The following TRIM68 variants were observed in gnomAD, a reference collection of about 807,000 sequenced individuals.
TRIM68 encodes E3 ubiquitin-protein ligase TRIM68.
TRIM68 carries 36 observed loss-of-function variants against 41.9 expected under a neutral mutation model. The observed-to-expected ratio is 0.86, with a 90% confidence interval of 0.66 to 1.14. The LOEUF (loss-of-function observed/expected upper bound fraction) is 1.14. TRIM68 is among the 50% of genes most tolerant of loss of function. The pLI, the probability that TRIM68 is intolerant of heterozygous loss-of-function variation, is 0.00. For synonymous variants in TRIM68, 225 were observed against 224.6 expected (o/e 1.00, Z -0.02); for missense variants, 632 against 605.1 (o/e 1.04, Z -0.47).
rs150218235 is a variant in TRIM68, at chr11:4,605,387, G to A, written c.118C>T (p.Leu40Phe). 653 of 1,614,226 alleles carry A rather than the reference G, an allele frequency of 4.0e-4. No homozygotes were observed. The highest frequency in any genetic ancestry group is 1.2e-3 in the South Asian group (111 of 91,088). ...CCTGGGATCTCCCAGAGTCCAGAGA[G>A]ACAGCTGTGGCAGAAGCTGTGGCCA... ...DCGHSFCHSCLSGLWEIPGES... is the reference protein window; with the variant it reads ...DCGHSFCHSCFSGLWEIPGES... Residue 40 changes from leucine (L) to phenylalanine (F), a missense_variant, in exon 2 of 7, where the codon CTC becomes TTC. Coordinates refer to ENST00000300747, the MANE Select transcript of TRIM68 (RefSeq NM_018073.8).
Position 4,600,838 on chromosome 11 carries a change from G to A in TRIM68, c.908-12C>T. The A allele has an allele frequency of 6.2e-7, 1 of 1,606,508 alleles. No homozygotes were observed. The highest frequency in any genetic ancestry group is 8.5e-7 in the Non-Finnish European group (1 of 1,175,552). On this transcript the variant is annotated splice_polypyrimidine_tract_variant and intron_variant, in intron 6 of 6. Coordinates refer to ENST00000300747, the MANE Select transcript of TRIM68 (RefSeq NM_018073.8). Reference sequence around the variant, plus strand: ...CAAGCGCACATCAGCTAGAAGAAAAGGTCCTGGTTGGTAACAGTGATATAG... The same window carrying A: ...CAAGCGCACATCAGCTAGAAGAAAAAGTCCTGGTTGGTAACAGTGATATAG...
chr11:4,606,596 C>T (rs1194768951), intron 1 of TRIM68, among the ~76,000 whole-genome samples: 1 of 152,174 alleles, frequency 6.6e-6, no homozygotes, highest in African/African-American at 2.4e-5. Context: ...AAATTGAGAG[C>T]ATACATTAAT....
At chr11:4,603,420 G>T (rs1178598818) in intron 2 of TRIM68, 80 bp from the exon 3 acceptor site, 1 of 1,356,744 alleles carries the variant, frequency 7.4e-7, no homozygotes, top group East Asian at 2.3e-5. Flanking sequence ...GAGAACCAGA[G>T]TCCTTCAGGC....
chr11:4,603,441 AG>A, intron 2 of TRIM68, 101 bp from the exon 3 acceptor site: 1 of 1,044,294 alleles, frequency 9.6e-7, no homozygotes, highest in Admixed American at 2.0e-5. Flanking sequence ...AACCGGCCAC[AG>A]TGAAGGCTGT....
intron 6 of TRIM68, 41 bp downstream of exon 6, chr11:4,600,986 C>T (rs202218900): frequency 3.1e-6 from 5 of 1,598,764 alleles, no homozygotes; most frequent in Admixed American, 3.3e-5. Flanking sequence ...TGGGAGGGGT[C>T]CCTCCCACTG....
intron 2 of TRIM68, among the ~76,000 whole-genome samples, chr11:4,603,934 G>T (rs529522836): frequency 1.1e-4 from 17 of 152,200 alleles, no homozygotes; most frequent in African/African-American, 3.9e-4. Context: ...CAACTATTTT[G>T]TTAAAATATA....
intron 2 of TRIM68, among the ~76,000 whole-genome samples, chr11:4,603,902 T>A (rs1204593740): frequency 6.6e-6 from 1 of 152,248 alleles, no homozygotes; most frequent in Non-Finnish European, 1.5e-5. Context: ...CACCATTTAA[T>A]TCTGCTATTT....
chr11:4,602,126 G>C lies in TRIM68; in HGVS notation c.783+26C>G, dbSNP rs1215331791. ...CAGTCTATCTTCAGCTGTCACTCAG[G>C]GTTACCAGGAAAACCTACTACTCAC... On this transcript the variant is annotated intron_variant, in intron 4 of 6. Coordinates refer to ENST00000300747, the MANE Select transcript of TRIM68 (RefSeq NM_018073.8). 2.5e-6 allele frequency: 4 copies of C among 1,613,838 alleles called. No homozygotes were observed. The Admixed American group carries it at 6.7e-5, about 27-fold the overall frequency.
chr11:4,602,607 CA>C (rs1335710955), intron 3 of TRIM68, among the ~76,000 whole-genome samples, 195 bp from the exon 4 acceptor site: 1 of 152,210 alleles, frequency 6.6e-6, no homozygotes, highest in Non-Finnish European at 1.5e-5. Context: ...TCTCTATTGT[CA>C]CTCTTATTGA....
At position 4,607,112 on chromosome 11, in the gene TRIM68, C is replaced by T. The variant is rs182138644; in HGVS notation, c.-58+915G>A. 1.2e-3 allele frequency among the ~76,000 whole-genome samples: 187 copies of T among 152,342 alleles called. 2 individuals carry two copies. The highest frequency in any genetic ancestry group is 2.4e-3 in the Non-Finnish European group (160 of 68,028). ...AAAGGAATAAACTTCCACACACTCC[C>T]GCAAACCCCTCGTCCATTCAATCTA... is the stretch of plus-strand genomic sequence containing the variant. On this transcript the variant is annotated intron_variant, in intron 1 of 6. Coordinates refer to ENST00000300747, the MANE Select transcript of TRIM68 (RefSeq NM_018073.8).
At position 4,602,429 on chromosome 11, in the gene TRIM68, G is replaced by T; in HGVS notation, c.523-17C>A. On this transcript the variant is annotated splice_polypyrimidine_tract_variant and intron_variant, in intron 3 of 6. Transcript: ENST00000300747. ...CACCTGTATCTGTGGAGCCAAGATG[G>T]AAATCAGCACTGATACTTTCAGTCA... The T allele has an allele frequency of 2.5e-6, 4 of 1,611,762 alleles. No individual in the cohort carries two copies. The highest frequency in any genetic ancestry group is 3.4e-6 in the Non-Finnish European group (4 of 1,179,006).
intron 2 of TRIM68, among the ~76,000 whole-genome samples, chr11:4,604,769 C>G (rs950935261): frequency 1.3e-5 from 2 of 152,176 alleles, no homozygotes; most frequent in African/African-American, 2.4e-5. Flanking sequence ...TAAACTCATC[C>G]AAGGCATCCA....
At chr11:4,607,760 A>G (rs1846589497) in intron 1 of TRIM68, among the ~76,000 whole-genome samples, 1 of 152,252 alleles carries the variant, frequency 6.6e-6, no homozygotes, top group South Asian at 2.1e-4. Flanking sequence ...AATTCAAATA[A>G]TTAAACGTTC....
chr11:4,607,926 C>T (rs552421059), intron 1 of TRIM68, 101 bp downstream of exon 1: 2 of 152,468 alleles, frequency 1.3e-5, no homozygotes, highest in East Asian at 1.9e-4. Context: ...AGCTCCTGGC[C>T]TGGCCACAGG....
In TRIM68 at chr11:4,603,898, T is replaced by A. The variant is rs2231960; in HGVS notation, c.427-558A>T. 4.9e-3 allele frequency among the ~76,000 whole-genome samples: 744 copies of A among 152,302 alleles called. 8 individuals carry two copies. The highest frequency in any genetic ancestry group is 0.047 in the East Asian group (243 of 5,180). ...AGCATAAACTGTGCAGAAACACCAT[T>A]TAATTCTGCTATTTTAACAAAATAG... is the stretch of plus-strand genomic sequence containing the variant. On this transcript the variant is annotated intron_variant, in intron 2 of 6. Transcript: ENST00000300747.
intron 1 of TRIM68, among the ~76,000 whole-genome samples, chr11:4,606,128 C>A (rs1846564884): frequency 6.6e-6 from 1 of 152,186 alleles, no homozygotes; most frequent in African/African-American, 2.4e-5. Context: ...GCCTTTTAAA[C>A]CCCTGCCCAC....
Position 4,599,619 on chromosome 11 carries a change from G to A in TRIM68, c.*657C>T, listed in dbSNP as rs527371604. 6.6e-6 allele frequency: 1 copy of A among 152,252 alleles called. No individual in the cohort carries two copies. The highest frequency in any genetic ancestry group is 1.5e-5 in the Non-Finnish European group (1 of 68,058). The allele number at this position is 152,252 out of a possible 1,614,324, so 9.4% of individuals were successfully genotyped here. A position where few individuals can be genotyped will look rare whatever the true frequency, so the allele number is the denominator to read the frequency against. On this transcript the variant is annotated 3_prime_UTR_variant, in exon 7 of 7. Coordinates refer to ENST00000300747, the MANE Select transcript of TRIM68 (RefSeq NM_018073.8). The stretch of plus-strand genomic sequence containing the variant: ...CACTTAGAGAAAAAAGGCAAGACTA[G>A]GACACTGGTCTCCTGGAGTCCAAGG...
At chr11:4,603,940 A>C (rs1846531522) in intron 2 of TRIM68, among the ~76,000 whole-genome samples, 1 of 152,232 alleles carries the variant, frequency 6.6e-6, no homozygotes, top group South Asian at 2.1e-4. Context: ...TTTTGTTAAA[A>C]TATATCAAGT....
intron 1 of TRIM68, among the ~76,000 whole-genome samples, chr11:4,607,279 T>C (rs1311792883): frequency 1.3e-5 from 2 of 152,238 alleles, no homozygotes; most frequent in Non-Finnish European, 2.9e-5. Context: ...TTGTCTGTTT[T>C]GTCCATTTCT....
Sources: allele counts gnomAD v4.1 joint callset (sites outside exome capture counted in the v4.1 genomes callset), GRCh38; gene constraint gnomAD v4.1.1; transcripts MANE v1.5; gene names NCBI Gene and HGNC (gene_info 2026-07-23, HGNC 2026-07-21).